Variants in RBMS3 observed in about 807,000 individuals in gnomAD.
RBMS3 encodes RNA binding motif single stranded interacting protein 3.
A neutral mutation model predicts 66.8 loss-of-function variants in RBMS3; 27 were observed. That is an observed-to-expected ratio of 0.40 (90% confidence interval 0.30 to 0.56). RBMS3 has a LOEUF of 0.56. Among genes scored for constraint, RBMS3 ranks in the 20% least tolerant of loss-of-function variants. The pLI is 0.40. For missense variants in RBMS3, 513 were observed against 549.5 expected, an observed-to-expected ratio of 0.93 and a Z score of 0.66; for synonymous variants, 188 against 183.0, an observed-to-expected ratio of 1.03 and a Z score of -0.22.
At chr3:29,701,643 C>T (rs1021291757) in intron 4 of RBMS3, among the ~76,000 whole-genome samples, 65 of 147,076 alleles carry the variant, frequency 4.4e-4, no homozygotes, top group Non-Finnish European at 2.7e-4. Flanking sequence ...TCTGGGTGGG[C>T]GTGGGCTGGG....
intron 3 of RBMS3, among the ~76,000 whole-genome samples, chr3:29,559,263 T>C (rs917756116): frequency 6.6e-6 from 1 of 151,988 alleles, no homozygotes; most frequent in African/African-American, 2.4e-5. Context: ...AGTTCAAATA[T>C]TGTCTTCTTG....
intron 1 of RBMS3, among the ~76,000 whole-genome samples, chr3:29,398,925 T>G (rs113573902): frequency 7.2e-5 from 11 of 152,208 alleles, no homozygotes; most frequent in African/African-American, 2.7e-4. Context: ...TTTGCTTTTT[T>G]AGAATTTTCT....
chr3:29,636,038 ATGTGTGTGTGTGTGTG>A (rs10565409), intron 4 of RBMS3, among the ~76,000 whole-genome samples: 16 of 145,226 alleles, frequency 1.1e-4, no homozygotes, highest in Non-Finnish European at 2.3e-4. Flanking sequence ...GTCATCAAGA[ATGTGTGTGTGTGTGTG>A]TGTGTGTGTG....
intron 14 of RBMS3, among the ~76,000 whole-genome samples, chr3:30,000,863 C>A (rs1022342350): frequency 1.3e-5 from 2 of 151,522 alleles, no homozygotes; most frequent in African/African-American, 2.4e-5. Context: ...CGGGGGTGGG[C>A]GCATCACATA....
chr3:29,283,209 A>G (rs1458427409), intron 1 of RBMS3, among the ~76,000 whole-genome samples: 1 of 152,204 alleles, frequency 6.6e-6, no homozygotes, highest in African/African-American at 2.4e-5. Context: ...AGGTTGCATG[A>G]AAAATATCAG....
At chr3:29,423,321 G>A (rs1273101366) in intron 1 of RBMS3, among the ~76,000 whole-genome samples, 1 of 152,024 alleles carries the variant, frequency 6.6e-6, no homozygotes, top group Non-Finnish European at 1.5e-5. Context: ...TTTGGTTATT[G>A]GTTAAAAAGA....
chr3:29,714,331 G>T (rs1249280337), intron 4 of RBMS3, among the ~76,000 whole-genome samples: 1 of 152,170 alleles, frequency 6.6e-6, no homozygotes, highest in Non-Finnish European at 1.5e-5. Context: ...AGTCAAGGAT[G>T]ACTTCAAGTT....
At chr3:29,310,685 A>G (rs1343085767) in intron 1 of RBMS3, among the ~76,000 whole-genome samples, 1 of 151,710 alleles carries the variant, frequency 6.6e-6, no homozygotes, top group Non-Finnish European at 1.5e-5. Context: ...GAATTCCTTC[A>G]GCCCCACCCT....
At chr3:29,793,038 G>C (rs1024498044) in intron 6 of RBMS3, among the ~76,000 whole-genome samples, 1 of 152,070 alleles carries the variant, frequency 6.6e-6, no homozygotes, top group African/African-American at 2.4e-5. Flanking sequence ...AGGAGTTCAA[G>C]AGCAGTCTGG....
At chr3:29,420,947 GAAAAA>G (rs397757488) in intron 1 of RBMS3, among the ~76,000 whole-genome samples, 3 of 125,478 alleles carry the variant, frequency 2.4e-5, no homozygotes, top group African/African-American at 5.3e-5. Context: ...TACTAAAAAT[GAAAAA>G]AAAAAAAAAA....
chr3:29,948,092 G>A (rs1695440472), intron 12 of RBMS3, among the ~76,000 whole-genome samples: 1 of 151,638 alleles, frequency 6.6e-6, no homozygotes, highest in South Asian at 2.1e-4. Flanking sequence ...GAAACAGGCT[G>A]AAATAATAAG....
intron 2 of RBMS3, among the ~76,000 whole-genome samples, chr3:29,483,634 C>T (rs1443549012): frequency 6.6e-6 from 1 of 152,154 alleles, no homozygotes; most frequent in African/African-American, 2.4e-5. Flanking sequence ...CTGTTTGTAG[C>T]CCTAGGTTCC....
At chr3:29,581,524 A>C (rs1477376634) in intron 3 of RBMS3, among the ~76,000 whole-genome samples, 1 of 152,134 alleles carries the variant, frequency 6.6e-6, no homozygotes, top group Non-Finnish European at 1.5e-5. Context: ...GCTAAGCCCA[A>C]ATGGAAGGTG....
At chr3:29,994,569 G>A (rs992234148) in intron 14 of RBMS3, among the ~76,000 whole-genome samples, 6 of 152,226 alleles carry the variant, frequency 3.9e-5, no homozygotes, top group East Asian at 1.9e-4. Context: ...CTCCCAGCAC[G>A]CAGCTGGAGA....
In RBMS3 at chr3:29,643,056, T is replaced by C. The variant is rs189896832; in HGVS notation, c.399+55851T>C. On this transcript the variant is annotated intron_variant, in intron 4 of 14. Coordinates refer to ENST00000383767, the MANE Select transcript of RBMS3 (RefSeq NM_001003793.3). ...ACAATTTGAATAAACTCAAGTCCAT[T>C]GAACATTGTTCATGTTTTATTATTA... is the stretch of plus-strand genomic sequence containing the variant. Among the ~76,000 whole-genome samples, 31 of 152,290 alleles carry C rather than the reference T, an allele frequency of 2.0e-4. 1 individual carries two copies. The highest frequency in any genetic ancestry group is 4.1e-4 in the Non-Finnish European group (28 of 68,006).
chr3:29,839,495 TCATAGAGGTGGA>T (rs1023358486), intron 6 of RBMS3, among the ~76,000 whole-genome samples: 4 of 152,056 alleles, frequency 2.6e-5, no homozygotes, highest in Non-Finnish European at 5.9e-5. Context: ...TTAAGAAGTT[TCATAGAGGTGGA>T]CATCTAAAAT....
At chr3:29,971,826 G>A (rs367578099) in intron 12 of RBMS3, among the ~76,000 whole-genome samples, 54 of 152,142 alleles carry the variant, frequency 3.5e-4, no homozygotes, top group Admixed American at 3.3e-4. Context: ...CAACATACAG[G>A]AATTTAGCAT....
chr3:29,902,404 G>C (rs1170056575), intron 10 of RBMS3, among the ~76,000 whole-genome samples: 1 of 151,730 alleles, frequency 6.6e-6, no homozygotes, highest in Non-Finnish European at 1.5e-5. Flanking sequence ...ACTTTGTTGA[G>C]AATCATCTAT....
At chr3:29,494,993 T>C (rs953831868) in intron 3 of RBMS3, among the ~76,000 whole-genome samples, 3 of 150,940 alleles carry the variant, frequency 2.0e-5, no homozygotes, top group Non-Finnish European at 4.5e-5. Flanking sequence ...GGTTAAATTA[T>C]ATTTATGGAG....
Sources: gnomAD v4.1 joint callset for allele counts (sites outside exome capture counted in the v4.1 genomes callset) on GRCh38, gnomAD v4.1.1 for gene constraint, MANE v1.5 for transcripts, NCBI Gene and HGNC (gene_info 2026-07-23, HGNC 2026-07-21) for gene names.